The following CENPC variants were observed in gnomAD, a reference collection of about 807,000 sequenced individuals.
CENPC encodes CENP-C 1.
CENPC carries 63 observed loss-of-function variants against 112.1 expected under a neutral mutation model. The ratio of observed to expected loss-of-function variants is 0.56; its 90% confidence interval spans 0.46 to 0.69. The LOEUF (loss-of-function observed/expected upper bound fraction) is 0.69, where lower values mean the gene tolerates loss of function less well. Ranked by LOEUF, CENPC falls within the 30% of genes least tolerant of loss-of-function variation. The pLI is 0.00. For synonymous variants in CENPC, 333 were observed against 367.6 expected, an observed-to-expected ratio of 0.91 and a Z score of 1.08; for missense variants, 1,000 against 1,103.8, an observed-to-expected ratio of 0.91 and a Z score of 1.33.
intron 6 of CENPC, 114 bp from the exon 7 acceptor site, chr4:67,518,482 G>T: frequency 2.7e-6 from 3 of 1,106,608 alleles, no homozygotes; most frequent in South Asian, 3.4e-5. Flanking sequence ...TCTGTACTAG[G>T]CATTTATTTA....
intron 4 of CENPC, among the ~76,000 whole-genome samples, chr4:67,532,507 T>A (rs1450039830): frequency 6.6e-6 from 1 of 152,078 alleles, no homozygotes; most frequent in African/African-American, 2.4e-5. Flanking sequence ...CAAATGTCCA[T>A]CAATGATAGA....
chr4:67,492,261 C>T lies in CENPC; in HGVS notation c.2434G>A (p.Val812Ile). 1 of 1,557,930 alleles carries T rather than the reference C, an allele frequency of 6.4e-7. No individual in the cohort carries two copies. Among genetic ancestry groups the T allele is most frequent in the Non-Finnish European group, 8.7e-7 (1 of 1,148,124 alleles). ...TCTCCAAGAGGTATACCTAGATTTACCATTAAGTTAGTCTCTGCAAAAGAA... is the reference window on the plus strand; with the variant it reads ...TCTCCAAGAGGTATACCTAGATTTATCATTAAGTTAGTCTCTGCAAAAGAA... ...DNDERKTNLM[V>I]NLGIPLGDPL... Residue 812 changes from valine to isoleucine, a missense_variant, in exon 16 of 19, where the codon GTA (valine) becomes ATA (isoleucine). Physicochemically the swap from Val to Ile is conservative, Grantham distance 29. Coordinates refer to ENST00000273853, the MANE Select transcript of CENPC (RefSeq NM_001812.4).
At chr4:67,519,157 T>G in intron 6 of CENPC, 60 bp downstream of exon 6, 1 of 1,279,540 alleles carries the variant, frequency 7.8e-7, no homozygotes, top group Non-Finnish European at 1.1e-6. Flanking sequence ...GAATTACCAT[T>G]TTTTAATACA....
intron 12 of CENPC, among the ~76,000 whole-genome samples, chr4:67,504,543 C>T (rs1043541225): frequency 1.3e-5 from 2 of 152,022 alleles, no homozygotes; most frequent in East Asian, 1.9e-4. Flanking sequence ...TACTGAAGGC[C>T]GGGAGTGGTG....
intron 13 of CENPC, 67 bp downstream of exon 13, chr4:67,495,092 A>G: frequency 1.5e-6 from 2 of 1,333,806 alleles, no homozygotes; most frequent in Non-Finnish European, 2.0e-6. Context: ...GAAATAAGTT[A>G]TATTTAGAAA....
chr4:67,541,414 A>G (rs955736667), intron 2 of CENPC, among the ~76,000 whole-genome samples: 2 of 152,182 alleles, frequency 1.3e-5, no homozygotes, highest in Non-Finnish European at 2.9e-5. Context: ...CAAGTAACAT[A>G]TTCCTCCCTA....
At chr4:67,495,321 C>T in intron 12 of CENPC, 109 bp from the exon 13 acceptor site, 1 of 1,022,642 alleles carries the variant, frequency 9.8e-7, no homozygotes, top group Non-Finnish European at 1.4e-6. Flanking sequence ...AAAGTTTGAC[C>T]TGATAATGTA....
chr4:67,518,135 G>A, intron 7 of CENPC, 21 bp downstream of exon 7: 2 of 1,310,126 alleles, frequency 1.5e-6, no homozygotes, highest in South Asian at 2.9e-5. Context: ...TGTCTCAAAG[G>A]GCAGTTTCTT....
intron 17 of CENPC, among the ~76,000 whole-genome samples, chr4:67,479,512 TC>T (rs916759196): frequency 2.4e-4 from 36 of 152,146 alleles, no homozygotes; most frequent in African/African-American, 8.2e-4. Flanking sequence ...ATTGAAAAAT[TC>T]TTTGAACTGA....
intron 17 of CENPC, among the ~76,000 whole-genome samples, chr4:67,476,073 G>T (rs1271471510): frequency 1.3e-5 from 2 of 152,138 alleles, no homozygotes; most frequent in Non-Finnish European, 2.9e-5. Flanking sequence ...ACATGTTTGT[G>T]GTGATGCTGA....
intron 12 of CENPC, among the ~76,000 whole-genome samples, chr4:67,499,762 T>C (rs979615294): frequency 2.6e-5 from 4 of 152,382 alleles, no homozygotes; most frequent in African/African-American, 9.6e-5. Context: ...GCCCGAGGCC[T>C]AGCTTCTGGA....
At chr4:67,509,207 TACACACACACACACACACAC>T (rs36207189) in intron 9 of CENPC, 102 bp from the exon 10 acceptor site, 45 of 486,116 alleles carry the variant, frequency 9.3e-5, no homozygotes, top group Non-Finnish European at 1.1e-4. Context: ...CATATACACA[TACACACACACACACACACAC>T]ACACACACAC....
chr4:67,542,348 C>T (rs913403102), intron 2 of CENPC, among the ~76,000 whole-genome samples: 1 of 152,154 alleles, frequency 6.6e-6, no homozygotes, highest in African/African-American at 2.4e-5. Context: ...CCAGAGTTTA[C>T]TGATCCCTGA....
intron 2 of CENPC, among the ~76,000 whole-genome samples, chr4:67,543,896 G>A (rs1726955278): frequency 6.6e-6 from 1 of 152,064 alleles, no homozygotes; most frequent in Non-Finnish European, 1.5e-5. Flanking sequence ...TTTTCCCATG[G>A]CAGTCACTTA....
intron 17 of CENPC, among the ~76,000 whole-genome samples, chr4:67,488,801 G>C (rs771574128): frequency 6.6e-6 from 1 of 151,810 alleles, no homozygotes; most frequent in Non-Finnish European, 1.5e-5. Context: ...TTTTCAGTTT[G>C]AATTAATGAA....
rs143480609 is a variant in CENPC, at chr4:67,481,578, T to C, written c.2671-6600A>G. Among the ~76,000 whole-genome samples the C allele has an allele frequency of 1.9e-3, 296 of 152,154 alleles. 1 individual carries two copies. The highest frequency in any genetic ancestry group is 6.8e-3 in the African/African-American group (284 of 41,544). On this transcript the variant is annotated intron_variant, in intron 17 of 18. Transcript: ENST00000273853. The stretch of plus-strand genomic sequence containing the variant: ...TAGGCACATAGACCATGGAACTGAA[T>C]AGAGCCTAGAAGTAAAGCCAAATAC...
chr4:67,533,160 G>C lies in CENPC; in HGVS notation c.232-2246C>G, dbSNP rs1225551144. 3.3e-5 allele frequency among the ~76,000 whole-genome samples: 5 copies of C among 152,174 alleles called. No individual in the cohort carries two copies. In the East Asian group the frequency reaches 5.8e-4, roughly 18 times the overall value. ...TCCCTGTGTTGTGGAAGGCGCCCAG[G>C]GGGAGACAATTGAATCATCAGGGTC... On this transcript the variant is annotated intron_variant, in intron 4 of 18. Transcript: ENST00000273853.
intron 12 of CENPC, among the ~76,000 whole-genome samples, chr4:67,504,014 G>C (rs1725665688): frequency 6.8e-6 from 1 of 146,698 alleles, no homozygotes; most frequent in African/African-American, 2.5e-5. Flanking sequence ...TTACAGATAA[G>C]GAAACTGAAG....
intron 17 of CENPC, among the ~76,000 whole-genome samples, chr4:67,481,487 A>G (rs945377091): frequency 3.3e-5 from 5 of 152,222 alleles, no homozygotes; most frequent in African/African-American, 4.8e-5. Flanking sequence ...GAGGCATCAC[A>G]TTACCTGACT....
Sources: allele counts gnomAD v4.1 joint callset (sites outside exome capture counted in the v4.1 genomes callset), GRCh38; gene constraint gnomAD v4.1.1; transcripts MANE v1.5; gene names NCBI Gene and HGNC (gene_info 2026-07-23, HGNC 2026-07-21).